The following MYO3B variants were observed in gnomAD, a reference collection of about 807,000 sequenced individuals.
The protein encoded by MYO3B is myosin IIIB, also known as myosin-IIIb.
Under a neutral mutation model 174.6 loss-of-function variants are expected in MYO3B, and 156 were observed. The ratio of observed to expected loss-of-function variants is 0.89; its 90% CI spans 0.78 to 1.02. The LOEUF is 1.02. Among genes scored for constraint, MYO3B ranks in the 50% least tolerant of loss-of-function variants. The pLI is 0.00. For missense variants in MYO3B, 1,632 were observed against 1,639.4 expected, an observed-to-expected ratio of 1.00 and a Z score of 0.08; for synonymous variants, 563 against 569.1, an observed-to-expected ratio of 0.99 and a Z score of 0.15.
chr2:170,339,807 T>C (rs935454618), intron 8 of MYO3B, among the ~76,000 whole-genome samples: 7 of 152,254 alleles, frequency 4.6e-5, no homozygotes, highest in Admixed American at 1.3e-4. Context: ...GCATGATTCC[T>C]GACAGCTTAG....
At chr2:170,604,166 C>T (rs1694678894) in intron 32 of MYO3B, among the ~76,000 whole-genome samples, 1 of 152,054 alleles carries the variant, frequency 6.6e-6, no homozygotes, top group South Asian at 2.1e-4. Context: ...TGTTGTTAAG[C>T]GATGCTTGAC....
intron 23 of MYO3B, among the ~76,000 whole-genome samples, chr2:170,446,692 A>G (rs1490104757): frequency 6.6e-6 from 1 of 152,214 alleles, no homozygotes; most frequent in African/African-American, 2.4e-5. Flanking sequence ...GGCCCTGGAT[A>G]AAGCTCGGCT....
chr2:170,465,359 C>G (rs1684557445), intron 24 of MYO3B, among the ~76,000 whole-genome samples: 1 of 152,096 alleles, frequency 6.6e-6, no homozygotes, highest in Non-Finnish European at 1.5e-5. Context: ...AGATCCCAGA[C>G]TCTTTTAAAC....
intron 8 of MYO3B, chr2:170,345,079 T>C (rs934646730): frequency 6.6e-6 from 1 of 152,252 alleles, no homozygotes; most frequent in Non-Finnish European, 1.5e-5. Context: ...TTCCAGTCTC[T>C]GCTGCTTCCA....
chr2:170,642,074 C>G (rs1698015715), intron 32 of MYO3B, among the ~76,000 whole-genome samples: 1 of 152,190 alleles, frequency 6.6e-6, no homozygotes, highest in African/African-American at 2.4e-5. Flanking sequence ...ACGAAAGACC[C>G]TCTTCCTATT....
At chr2:170,185,537 G>A (rs1345418624) in intron 1 of MYO3B, among the ~76,000 whole-genome samples, 2 of 152,052 alleles carry the variant, frequency 1.3e-5, no homozygotes, top group Admixed American at 6.6e-5. Flanking sequence ...TGCTGTTTTG[G>A]TTACTATAGC....
intron 8 of MYO3B, among the ~76,000 whole-genome samples, chr2:170,354,640 T>C (rs2094105845): frequency 1.3e-5 from 2 of 152,186 alleles, no homozygotes; most frequent in African/African-American, 2.4e-5. Context: ...CCCAACCTCT[T>C]GGGAACATGT....
At chr2:170,633,701 G>C (rs1434622068) in intron 32 of MYO3B, among the ~76,000 whole-genome samples, 1 of 151,696 alleles carries the variant, frequency 6.6e-6, no homozygotes, top group Non-Finnish European at 1.5e-5. Flanking sequence ...GCAGATGATT[G>C]TATATTTAGA....
intron 7 of MYO3B, among the ~76,000 whole-genome samples, chr2:170,291,351 G>A (rs13014777): frequency 0.67 from 101,809 of 152,050 alleles, 34,281 homozygotes; most frequent in Admixed American, 0.73. Flanking sequence ...AGTTGTCTCA[G>A]TTTACATAGT....
At chr2:170,565,752 T>G (rs1182470719) in intron 32 of MYO3B, among the ~76,000 whole-genome samples, 1 of 152,206 alleles carries the variant, frequency 6.6e-6, no homozygotes, top group East Asian at 1.9e-4. Flanking sequence ...AGATTAGTAG[T>G]GGGCCTTAAA....
At chr2:170,298,078 A>G (rs1000508218) in intron 7 of MYO3B, among the ~76,000 whole-genome samples, 1 of 152,234 alleles carries the variant, frequency 6.6e-6, no homozygotes, top group Non-Finnish European at 1.5e-5. Flanking sequence ...AATATATGAC[A>G]TAAATATTCC....
At chr2:170,510,439 A>C (rs1687906249) in intron 28 of MYO3B, among the ~76,000 whole-genome samples, 1 of 152,224 alleles carries the variant, frequency 6.6e-6, no homozygotes, top group African/African-American at 2.4e-5. Flanking sequence ...TTGCATTCTA[A>C]TACAGAAAGT....
intron 32 of MYO3B, among the ~76,000 whole-genome samples, chr2:170,582,899 C>T (rs1242847963): frequency 1.3e-5 from 2 of 152,088 alleles, no homozygotes; most frequent in Non-Finnish European, 2.9e-5. Flanking sequence ...GTCAACAGAT[C>T]CTTTTCAGCC....
intron 8 of MYO3B, among the ~76,000 whole-genome samples, chr2:170,368,141 A>G (rs1343599127): frequency 6.6e-6 from 1 of 152,246 alleles, no homozygotes; most frequent in Non-Finnish European, 1.5e-5. Context: ...TTTTGAAAAG[A>G]TGTTCAAGGT....
intron 23 of MYO3B, among the ~76,000 whole-genome samples, chr2:170,460,908 C>A (rs1475293193): frequency 6.6e-6 from 1 of 151,988 alleles, no homozygotes; most frequent in African/African-American, 2.4e-5. Context: ...AAGAGTATTC[C>A]TTTTAAATTG....
intron 30 of MYO3B, 40 bp downstream of exon 30, chr2:170,519,580 G>C: frequency 6.8e-7 from 1 of 1,466,376 alleles, no homozygotes; most frequent in Non-Finnish European, 9.6e-7. Flanking sequence ...TGTAAACTCA[G>C]GTGCTCCATT....
At chr2:170,494,538 G>A (rs1686714453) in intron 25 of MYO3B, among the ~76,000 whole-genome samples, 1 of 151,868 alleles carries the variant, frequency 6.6e-6, no homozygotes, top group African/African-American at 2.4e-5. Context: ...GATATGCCTG[G>A]CCAATGTGGT....
At chr2:170,228,107 C>T (rs2092971824) in intron 6 of MYO3B, among the ~76,000 whole-genome samples, 1 of 152,138 alleles carries the variant, frequency 6.6e-6, no homozygotes, top group African/African-American at 2.4e-5. Flanking sequence ...CGTGCTGTGC[C>T]TATGGGTTCA....
intron 5 of MYO3B, 69 bp downstream of exon 5, chr2:170,214,897 C>A: frequency 8.5e-7 from 1 of 1,172,836 alleles, no homozygotes; most frequent in Non-Finnish European, 1.3e-6. Flanking sequence ...TTATTGCAAT[C>A]TCAGAAGACT....
Sources: allele counts gnomAD v4.1 joint callset (sites outside exome capture counted in the v4.1 genomes callset), GRCh38; gene constraint gnomAD v4.1.1; transcripts MANE v1.5; gene names NCBI Gene and HGNC (gene_info 2026-07-23, HGNC 2026-07-21).